Variants in ANKFY1 observed in about 807,000 individuals in gnomAD.
The protein encoded by ANKFY1 is ankyrin repeat and FYVE domain-containing protein 1.
A neutral mutation model predicts 128.3 loss-of-function variants in ANKFY1; 47 were observed. The ratio of observed to expected loss-of-function variants is 0.37; its 90% CI spans 0.29 to 0.47. The LOEUF is 0.47. ANKFY1 is among the 20% of genes least tolerant of loss of function. ANKFY1 has a pLI of 1.00. For synonymous variants in ANKFY1, 553 were observed against 601.6 expected (o/e 0.92, Z 1.18); for missense variants, 1,222 against 1,510.6 (o/e 0.81, Z 3.17).
intron 22 of ANKFY1, 151 bp from the exon 23 acceptor site, chr17:4,171,012 C>T (rs1396682598): frequency 1.4e-5 from 13 of 947,840 alleles, no homozygotes; most frequent in East Asian, 7.9e-5. Context: ...CCCCGAGGCT[C>T]TGGAGAGAAC....
At position 4,178,813 on chromosome 17, in the gene ANKFY1, G is replaced by C. The variant is rs147988244; in HGVS notation, c.2598+44C>G. On this transcript the variant is annotated intron_variant, in intron 18 of 24. Transcript: ENST00000341657. The surrounding 1 kb of genome is among the most constrained non-coding windows in gnomAD (Gnocchi z 4.1). The stretch of plus-strand genomic sequence containing the variant: ...CATCTGTCTAGTCTCCAGGTTCCGC[G>C]ACGCCCAGGACCATGTGGAGAAGGT... The C allele has an allele frequency of 6.3e-7, 1 of 1,587,390 alleles. No homozygotes were observed. The highest frequency in any genetic ancestry group is 1.7e-5 in the Admixed American group (1 of 59,604).
At chr17:4,203,790 G>A (rs2059974034) in intron 7 of ANKFY1, among the ~76,000 whole-genome samples, 1 of 144,096 alleles carries the variant, frequency 6.9e-6, no homozygotes, top group African/African-American at 2.6e-5. Context: ...ACTCCAGCCT[G>A]GGTGACAGGA....
chr17:4,177,491 T>C (rs937765776), intron 18 of ANKFY1, among the ~76,000 whole-genome samples, 189 bp from the exon 19 acceptor site: 1 of 151,928 alleles, frequency 6.6e-6, no homozygotes, highest in African/African-American at 2.4e-5. Context: ...TCTACACATC[T>C]GTGCACAGAA....
intron 16 of ANKFY1, among the ~76,000 whole-genome samples, chr17:4,180,617 A>T (rs1295037254): frequency 6.6e-6 from 1 of 150,882 alleles, no homozygotes; most frequent in African/African-American, 2.4e-5. Flanking sequence ...CAAAAAAAAA[A>T]TTAGCCGGGC....
At chr17:4,253,893 T>C (rs1175981408) in intron 1 of ANKFY1, among the ~76,000 whole-genome samples, 1 of 152,186 alleles carries the variant, frequency 6.6e-6, no homozygotes, top group Admixed American at 6.5e-5. Context: ...AAGATACTAA[T>C]ATCCTAATCC....
Position 4,198,190 on chromosome 17 carries a change from A to G in ANKFY1, c.899-613T>C, listed in dbSNP as rs540149874. On this transcript the variant is annotated intron_variant, in intron 7 of 24. Coordinates refer to ENST00000341657, the MANE Select transcript of ANKFY1 (RefSeq NM_001330063.2). Reference sequence around the variant, plus strand: ...CAAAGGCCTCCTTCGGTCATCTCTCAGAAGGGTTTCCAGGATCCCTCCCTA... The same window carrying G: ...CAAAGGCCTCCTTCGGTCATCTCTCGGAAGGGTTTCCAGGATCCCTCCCTA... Among the ~76,000 whole-genome samples the G allele has an allele frequency of 3.3e-5, 5 of 151,228 alleles. No individual in the cohort carries two copies. In the East Asian group the frequency reaches 7.8e-4, roughly 23 times the overall value.
chr17:4,240,868 C>G (rs1019360096), intron 2 of ANKFY1, among the ~76,000 whole-genome samples: 1 of 152,192 alleles, frequency 6.6e-6, no homozygotes, highest in Admixed American at 6.5e-5. Flanking sequence ...CCTAAACTGG[C>G]CCCCTCCCTG....
intron 3 of ANKFY1, chr17:4,223,725 C>A: frequency 6.3e-7 from 1 of 1,586,590 alleles, no homozygotes; most frequent in South Asian, 1.1e-5. Context: ...GAACCATTTG[C>A]TGTGATGGCC....
rs534774579 is a variant in ANKFY1, at chr17:4,200,211, G to A, written c.899-2634C>T. Among the ~76,000 whole-genome samples the A allele has an allele frequency of 9.2e-5, 14 of 152,058 alleles. 1 individual carries two copies. The highest frequency in any genetic ancestry group is 2.6e-4 in the Admixed American group (4 of 15,248). On this transcript the variant is annotated intron_variant, in intron 7 of 24. Transcript: ENST00000341657. ...TGAGTAGCTGGGACTACAGGTGCAC[G>A]CCAACATACCCGGCTAATTTTTTTG...
In ANKFY1 at chr17:4,177,248, C is replaced by T. The variant is rs776936574; in HGVS notation, c.2653G>A (p.Glu885Lys). ...ACACTGATCAGGAACAGCACACTTT[C>T]AATATCAGAGTTCTGAACTGCCACA... Reference protein sequence around the residue: ...LHVAVQNSDIESVLFLISVHA... With the variant: ...LHVAVQNSDIKSVLFLISVHA... Residue 885 changes from glutamate (E) to lysine (K), a missense_variant, in exon 19 of 25, where the codon GAA (glutamate) becomes AAA (lysine). By Grantham distance (56) the Glu-to-Lys change is moderately conservative (BLOSUM62 1). Coordinates refer to ENST00000341657, the MANE Select transcript of ANKFY1 (RefSeq NM_001330063.2). The T allele has an allele frequency of 6.2e-7, 1 of 1,604,838 alleles. No homozygotes were observed. The highest frequency in any genetic ancestry group is 1.3e-5 in the African/African-American group (1 of 74,738).
At position 4,170,875 on chromosome 17, in the gene ANKFY1, G is replaced by A. The variant is rs1305215512; in HGVS notation, c.3140-14C>T. Reference sequence around the variant, plus strand: ...CCAGGAGCAGCACTGGAAAACAAAAGCACGCGCAGGGCTACTTCCCACCCG... The same window carrying A: ...CCAGGAGCAGCACTGGAAAACAAAAACACGCGCAGGGCTACTTCCCACCCG... On this transcript the variant is annotated splice_polypyrimidine_tract_variant and intron_variant, in intron 22 of 24. Transcript: ENST00000341657. 6.2e-7 allele frequency: 1 copy of A among 1,614,052 alleles called. No individual in the cohort carries two copies. The highest frequency in any genetic ancestry group is 8.5e-7 in the Non-Finnish European group (1 of 1,180,034).
At chr17:4,179,914 T>C in intron 16 of ANKFY1, 37 bp from the exon 17 acceptor site, 1 of 1,611,814 alleles carries the variant, frequency 6.2e-7, no homozygotes, top group South Asian at 1.1e-5. Context: ...AACGCCACGC[T>C]TGGACCTGGC....
intron 3 of ANKFY1, among the ~76,000 whole-genome samples, chr17:4,218,669 A>C (rs983431112): frequency 1.3e-5 from 2 of 152,200 alleles, no homozygotes; most frequent in African/African-American, 2.4e-5. Flanking sequence ...GTTCCCCAAA[A>C]ACTACAGAAG....
intron 3 of ANKFY1, chr17:4,222,180 G>GCTGCTACCC (rs542846874): frequency 0.028 from 4,485 of 157,468 alleles, 97 homozygotes; most frequent in Non-Finnish European, 0.044. Context: ...CGCCGCCGCT[G>GCTGCTACCC]CTGCTACCCC....
rs192828494 is a variant in ANKFY1, at chr17:4,165,374, C to T, written c.*2405G>A. 1 of 152,196 alleles carries T rather than the reference C, an allele frequency of 6.6e-6. No individual in the cohort carries two copies. Among genetic ancestry groups the T allele is most frequent in the Non-Finnish European group, 1.5e-5 (1 of 68,038 alleles). The allele number at this position is 152,196 out of a possible 1,614,324, so 9.4% of individuals were successfully genotyped here. ...TGAATTTAAGTTTTTGCTACTAGTACTTAAGCTACTGATGAAAACTTACAA... is the reference window on the plus strand; with the variant it reads ...TGAATTTAAGTTTTTGCTACTAGTATTTAAGCTACTGATGAAAACTTACAA... On this transcript the variant is annotated 3_prime_UTR_variant, in exon 25 of 25. Coordinates refer to ENST00000341657, the MANE Select transcript of ANKFY1 (RefSeq NM_001330063.2).
chr17:4,198,917 G>A (rs1231267238), intron 7 of ANKFY1, among the ~76,000 whole-genome samples: 2 of 152,122 alleles, frequency 1.3e-5, no homozygotes, highest in Non-Finnish European at 2.9e-5. Flanking sequence ...TAACATCCCA[G>A]GTCTTTGGAA....
In ANKFY1 at chr17:4,167,702, G is replaced by A. The variant is rs2059234235; in HGVS notation, c.*77C>T. The A allele has an allele frequency of 1.4e-6, 2 of 1,434,394 alleles. No homozygotes were observed. Among genetic ancestry groups the A allele is most frequent in the Non-Finnish European group, 1.9e-6 (2 of 1,070,416 alleles). The allele number at this position is 1,434,394 out of a possible 1,614,324, so 88.9% of individuals were successfully genotyped here. The stretch of plus-strand genomic sequence containing the variant: ...AAGACACCCGCCAGCTCCTGCTCTG[G>A]GTGGGGTCAGGCTGGTGAGCAGAGC... On this transcript the variant is annotated 3_prime_UTR_variant, in exon 25 of 25. Coordinates refer to ENST00000341657, the MANE Select transcript of ANKFY1 (RefSeq NM_001330063.2). This position sits in a 1 kb window ranked among gnomAD's most constrained non-coding sequence, Gnocchi z 4.1.
Position 4,179,605 on chromosome 17 carries a change from T to C in ANKFY1, c.2397+116A>G, listed in dbSNP as rs376933619. On this transcript the variant is annotated intron_variant, in intron 17 of 24. Coordinates refer to ENST00000341657, the MANE Select transcript of ANKFY1 (RefSeq NM_001330063.2). The stretch of plus-strand genomic sequence containing the variant: ...CATGAACGCTGCTAGGGAGGTCGTG[T>C]GTTCATGAAGCAGCAGCGCCTGGAA... The C allele has an allele frequency of 6.0e-6, 8 of 1,344,218 alleles. No individual in the cohort carries two copies. The African/African-American group carries it at 8.8e-5, about 15-fold the overall frequency. The allele number at this position is 1,344,218 out of a possible 1,614,324, so 83.3% of individuals were successfully genotyped here.
chr17:4,253,136 G>A (rs1017557041), intron 1 of ANKFY1, among the ~76,000 whole-genome samples: 2 of 152,016 alleles, frequency 1.3e-5, no homozygotes, highest in Non-Finnish European at 2.9e-5. Flanking sequence ...CAGGAGAATC[G>A]CTTGAACCCA....
Sources: allele counts gnomAD v4.1 joint callset (sites outside exome capture counted in the v4.1 genomes callset), GRCh38; gene constraint gnomAD v4.1.1; non-coding constraint Gnocchi (gnomAD v3.1); transcripts MANE v1.5; gene names NCBI Gene and HGNC (gene_info 2026-07-23, HGNC 2026-07-21).